UBE2E2: variants seen among roughly 807,000 people sequenced by gnomAD.
The protein encoded by UBE2E2 is ubiquitin conjugating enzyme E2 E2, also known as ubiquitin-conjugating enzyme E2 E2.
A neutral mutation model predicts 24.7 loss-of-function variants in UBE2E2; 6 were observed. The ratio of observed to expected loss-of-function variants is 0.24; its 90% CI spans 0.13 to 0.48. UBE2E2 has a LOEUF of 0.48. UBE2E2 is among the 20% of genes least tolerant of loss of function. The pLI is 0.99. For synonymous variants in UBE2E2, 104 were observed against 83.6 expected (o/e 1.24, Z -1.33); for missense variants, 169 against 245.0 (o/e 0.69, Z 2.07).
chr3:23,394,629 C>T (rs1697031404), intron 3 of UBE2E2, among the ~76,000 whole-genome samples: 1 of 152,158 alleles, frequency 6.6e-6, no homozygotes, highest in Non-Finnish European at 1.5e-5. Context: ...TCTGTCCCTA[C>T]CGTTAATCCT....
chr3:23,464,186 T>C (rs1172462174), intron 3 of UBE2E2, among the ~76,000 whole-genome samples: 2 of 152,152 alleles, frequency 1.3e-5, no homozygotes, highest in African/African-American at 4.8e-5. Context: ...ACCCCCGAAA[T>C]CAACAGTATT....
chr3:23,295,358 A>T (rs1308533727), intron 3 of UBE2E2, among the ~76,000 whole-genome samples: 1 of 152,128 alleles, frequency 6.6e-6, no homozygotes, highest in East Asian at 1.9e-4. Flanking sequence ...ATTTTCTAAA[A>T]TTAAGGCCTT....
intron 3 of UBE2E2, among the ~76,000 whole-genome samples, chr3:23,480,117 A>G (rs2125441385): frequency 6.6e-6 from 1 of 152,274 alleles, no homozygotes. Context: ...GTCTGTGCCA[A>G]GAGGCGCCCA....
At chr3:23,504,153 C>CAT (rs1000299555) in intron 4 of UBE2E2, among the ~76,000 whole-genome samples, 6 of 152,106 alleles carry the variant, frequency 3.9e-5, no homozygotes, top group Admixed American at 1.3e-4. Context: ...CATAAACACA[C>CAT]ATACACCTTT....
intron 1 of UBE2E2, among the ~76,000 whole-genome samples, chr3:23,207,507 G>C (rs1244312881): frequency 1.3e-5 from 2 of 152,096 alleles, no homozygotes; most frequent in African/African-American, 4.8e-5. Context: ...CTGTCATATG[G>C]TTCAATTTTT....
intron 3 of UBE2E2, among the ~76,000 whole-genome samples, chr3:23,276,832 A>G (rs971348142): frequency 8.6e-5 from 13 of 151,410 alleles, no homozygotes; most frequent in South Asian, 2.1e-4. Context: ...TGAGACTATT[A>G]TATAAACAAA....
At chr3:23,512,648 G>A (rs912510453) in intron 4 of UBE2E2, among the ~76,000 whole-genome samples, 2 of 151,770 alleles carry the variant, frequency 1.3e-5, no homozygotes, top group African/African-American at 2.4e-5. Flanking sequence ...TTACCAAGTT[G>A]TATATCTGTG....
intron 3 of UBE2E2, among the ~76,000 whole-genome samples, chr3:23,421,128 G>T (rs191700993): frequency 6.6e-6 from 1 of 152,354 alleles, no homozygotes; most frequent in East Asian, 1.9e-4. Flanking sequence ...TGTAAGGATT[G>T]TTGTGCAGGG....
chr3:23,235,469 A>G (rs1040335687), intron 3 of UBE2E2, among the ~76,000 whole-genome samples: 1 of 151,896 alleles, frequency 6.6e-6, no homozygotes, highest in Admixed American at 6.6e-5. Flanking sequence ...GGGCAGGGGA[A>G]TGCTGTTGTA....
chr3:23,244,158 T>G (rs145179471), intron 3 of UBE2E2, among the ~76,000 whole-genome samples: 28 of 151,844 alleles, frequency 1.8e-4, no homozygotes, highest in African/African-American at 6.8e-4. Context: ...AATCAACTAT[T>G]AAATGAGGAA....
At chr3:23,314,364 A>G (rs1694510509) in intron 3 of UBE2E2, among the ~76,000 whole-genome samples, 1 of 152,122 alleles carries the variant, frequency 6.6e-6, no homozygotes, top group Non-Finnish European at 1.5e-5. Context: ...TCCTGGGCTC[A>G]AGTGATCCTC....
intron 3 of UBE2E2, among the ~76,000 whole-genome samples, chr3:23,423,484 C>G (rs1186393747): frequency 6.6e-5 from 10 of 152,198 alleles, no homozygotes; most frequent in Admixed American, 3.9e-4. Flanking sequence ...TCTCATAACC[C>G]TTGTTTTAAT....
chr3:23,228,063 T>G (rs1406657017), intron 3 of UBE2E2, among the ~76,000 whole-genome samples: 2 of 152,214 alleles, frequency 1.3e-5, no homozygotes, highest in Admixed American at 1.3e-4. Context: ...ACTTCAAAAC[T>G]GTATTAAGGG....
At chr3:23,277,765 G>C (rs1328966082) in intron 3 of UBE2E2, among the ~76,000 whole-genome samples, 1 of 152,042 alleles carries the variant, frequency 6.6e-6, no homozygotes. Context: ...GGCTATGTTA[G>C]TGACCCAAAC....
At chr3:23,325,755 T>A (rs1694873168) in intron 3 of UBE2E2, among the ~76,000 whole-genome samples, 1 of 152,206 alleles carries the variant, frequency 6.6e-6, no homozygotes, top group Non-Finnish European at 1.5e-5. Flanking sequence ...ATCTAACCCC[T>A]CCGTATCACT....
intron 1 of UBE2E2, among the ~76,000 whole-genome samples, chr3:23,205,130 A>G (rs966593412): frequency 1.2e-4 from 19 of 152,222 alleles, no homozygotes; most frequent in African/African-American, 4.6e-4. Context: ...AGAAGTAACA[A>G]TATGTAAGCC....
chr3:23,543,213 A>T (rs1349453616), intron 5 of UBE2E2, among the ~76,000 whole-genome samples: 1 of 152,208 alleles, frequency 6.6e-6, no homozygotes, highest in Non-Finnish European at 1.5e-5. Flanking sequence ...TAGCCAGAAC[A>T]ATCATTCAAG....
chr3:23,407,552 C>CT lies in UBE2E2; in HGVS notation c.228-92053dup, dbSNP rs2125377477. Among the ~76,000 whole-genome samples, 1 of 150,038 alleles carries CT rather than the reference C, an allele frequency of 6.7e-6. No individual in the cohort carries two copies. The highest frequency in any genetic ancestry group is 6.6e-5 in the Admixed American group (1 of 15,130). ...CACTACCGTCAACATTTGCTACATC[C>CT]TTTATCTCCTCTGCGCCCCTCCCTC... is the stretch of plus-strand genomic sequence containing the variant. On this transcript the variant is annotated intron_variant, in intron 3 of 5. Transcript: ENST00000396703. This position sits in a 1 kb window ranked among gnomAD's most constrained non-coding sequence, Gnocchi z 4.0.
At chr3:23,232,295 A>G (rs997141218) in intron 3 of UBE2E2, among the ~76,000 whole-genome samples, 2 of 152,194 alleles carry the variant, frequency 1.3e-5, no homozygotes, top group African/African-American at 4.8e-5. Context: ...TTGAAGAACA[A>G]ATACTATTTC....
Sources: allele counts gnomAD v4.1 joint callset (sites outside exome capture counted in the v4.1 genomes callset), GRCh38; gene constraint gnomAD v4.1.1; non-coding constraint Gnocchi (gnomAD v3.1); transcripts MANE v1.5; gene names NCBI Gene and HGNC (gene_info 2026-07-23, HGNC 2026-07-21).